The following LCLAT1 variants were observed in gnomAD, a reference collection of about 807,000 sequenced individuals.
LCLAT1 encodes 1-AGP acyltransferase 8.
Under a neutral mutation model 30.7 loss-of-function variants are expected in LCLAT1, and 11 were observed. The observed-to-expected ratio is 0.36, with a 90% CI of 0.23 to 0.59. The LOEUF (loss-of-function observed/expected upper bound fraction) is 0.59, where lower values mean the gene tolerates loss of function less well. LCLAT1 is among the 20% of genes least tolerant of loss of function. LCLAT1 has a pLI of 0.77. For synonymous variants in LCLAT1, 155 were observed against 151.3 expected (o/e 1.02, Z -0.18); for missense variants, 402 against 458.6 (o/e 0.88, Z 1.13).
chr2:30,537,290 A>G (rs570011843), intron 3 of LCLAT1, among the ~76,000 whole-genome samples: 1 of 152,106 alleles, frequency 6.6e-6, no homozygotes, highest in East Asian at 1.9e-4. Flanking sequence ...CTGAGGCAGG[A>G]GAATGGCGTG....
chr2:30,466,621 A>G (rs1044973599), intron 1 of LCLAT1, among the ~76,000 whole-genome samples: 3 of 152,180 alleles, frequency 2.0e-5, no homozygotes, highest in Non-Finnish European at 4.4e-5. Flanking sequence ...TTTTCTAAAT[A>G]TTCTGTTGCA....
chr2:30,595,674 G>A (rs1440223542), intron 5 of LCLAT1, among the ~76,000 whole-genome samples: 1 of 152,044 alleles, frequency 6.6e-6, no homozygotes. Flanking sequence ...ACATGTGCAG[G>A]GTATGCAGGT....
At position 30,548,384 on chromosome 2, in the gene LCLAT1, T is replaced by C. The variant is rs892265974; in HGVS notation, c.365-13762T>C. Among the ~76,000 whole-genome samples the C allele has an allele frequency of 3.9e-5, 6 of 152,146 alleles. No homozygotes were observed. In the East Asian group the frequency reaches 1.2e-3, roughly 29 times the overall value. The stretch of plus-strand genomic sequence containing the variant: ...CCACGGGACATCAATCAAATACATT[T>C]AAGAAATACATTGGTTTGGTTCAGA... On this transcript the variant is annotated intron_variant, in intron 3 of 5. Transcript: ENST00000379509.
At chr2:30,619,056 G>A (rs1423219001) in intron 5 of LCLAT1, among the ~76,000 whole-genome samples, 5 of 152,128 alleles carry the variant, frequency 3.3e-5, no homozygotes, top group African/African-American at 1.2e-4. Flanking sequence ...GAATTTAGAA[G>A]ACCAAGAATA....
intron 1 of LCLAT1, among the ~76,000 whole-genome samples, chr2:30,498,070 G>A (rs1215421042): frequency 3.3e-5 from 5 of 152,102 alleles, no homozygotes; most frequent in South Asian, 4.1e-4. Flanking sequence ...TTTGTCTCAC[G>A]ACCAAGAAAA....
At chr2:30,503,936 G>A (rs1684524012) in intron 1 of LCLAT1, among the ~76,000 whole-genome samples, 1 of 152,120 alleles carries the variant, frequency 6.6e-6, no homozygotes, top group Non-Finnish European at 1.5e-5. Context: ...ATTTTCCTTA[G>A]CCTTCTAAGA....
At chr2:30,595,325 A>T (rs1020406772) in intron 5 of LCLAT1, among the ~76,000 whole-genome samples, 1 of 151,954 alleles carries the variant, frequency 6.6e-6, no homozygotes, top group African/African-American at 2.4e-5. Context: ...TTTATAGTGG[A>T]CCCAGACGTT....
At chr2:30,464,881 ACT>A (rs1416193899) in intron 1 of LCLAT1, among the ~76,000 whole-genome samples, 1 of 151,934 alleles carries the variant, frequency 6.6e-6, no homozygotes, top group Non-Finnish European at 1.5e-5. Flanking sequence ...ATTTTTATTT[ACT>A]TTTTGTTTTA....
intron 5 of LCLAT1, among the ~76,000 whole-genome samples, chr2:30,585,176 T>C (rs1427084492): frequency 6.6e-6 from 1 of 152,136 alleles, no homozygotes; most frequent in African/African-American, 2.4e-5. Context: ...ACTCCATGCC[T>C]CTTCCTTGTT....
intron 1 of LCLAT1, among the ~76,000 whole-genome samples, chr2:30,479,694 G>T (rs1683233281): frequency 6.6e-6 from 1 of 151,820 alleles, no homozygotes; most frequent in Non-Finnish European, 1.5e-5. Flanking sequence ...GCAATACTCT[G>T]TCTCGATCTG....
chr2:30,462,046 A>G (rs998282777), intron 1 of LCLAT1, among the ~76,000 whole-genome samples: 4 of 152,050 alleles, frequency 2.6e-5, no homozygotes, highest in Non-Finnish European at 5.9e-5. Context: ...TGCTGGGATT[A>G]CAGGCGTGAG....
intron 1 of LCLAT1, among the ~76,000 whole-genome samples, chr2:30,515,302 G>A (rs1685128043): frequency 6.6e-6 from 1 of 152,146 alleles, no homozygotes; most frequent in Non-Finnish European, 1.5e-5. Flanking sequence ...ACAGTGAATT[G>A]CAATCATTTA....
At chr2:30,600,860 T>TTATATCTTGAAATACG (rs1667148341) in intron 5 of LCLAT1, among the ~76,000 whole-genome samples, 1 of 152,206 alleles carries the variant, frequency 6.6e-6, no homozygotes, top group Admixed American at 6.5e-5. Flanking sequence ...TTCTCCTGGA[T>TTATATCTTGAAATACG]TATATCTTGA....
rs17009900 is a variant in LCLAT1, at chr2:30,621,174, G to C, written c.629-18943G>C. On this transcript the variant is annotated intron_variant, in intron 5 of 5. Coordinates refer to ENST00000379509, the MANE Select transcript of LCLAT1 (RefSeq NM_001002257.3). ...TGTTATTCTCCCTGCTTAAATTTTA[G>C]GATCAGTAACTACTCATCCAGATGT... Among the ~76,000 whole-genome samples, 375 of 152,142 alleles carry C rather than the reference G, an allele frequency of 2.5e-3. 2 individuals carry two copies. Among genetic ancestry groups the C allele is most frequent in the African/African-American group, 8.5e-3 (354 of 41,488 alleles).
chr2:30,477,498 G>T (rs1429513467), intron 1 of LCLAT1, among the ~76,000 whole-genome samples: 1 of 152,080 alleles, frequency 6.6e-6, no homozygotes, highest in Non-Finnish European at 1.5e-5. Flanking sequence ...TTTATGAAAT[G>T]GTTTGTTTGC....
intron 3 of LCLAT1, among the ~76,000 whole-genome samples, chr2:30,537,492 A>G (rs577412737): frequency 1.6e-4 from 24 of 151,708 alleles, no homozygotes; most frequent in Middle Eastern, 3.4e-3. Context: ...AAAGGGATCA[A>G]TTCAGCGAGA....
intron 3 of LCLAT1, among the ~76,000 whole-genome samples, chr2:30,534,118 T>G (rs1274517100): frequency 6.6e-6 from 1 of 152,162 alleles, no homozygotes; most frequent in Non-Finnish European, 1.5e-5. Context: ...CATTCCTCTA[T>G]TAGTATACTG....
At chr2:30,502,198 C>T (rs976341400) in intron 1 of LCLAT1, among the ~76,000 whole-genome samples, 6 of 151,920 alleles carry the variant, frequency 3.9e-5, no homozygotes, top group Non-Finnish European at 8.8e-5. Flanking sequence ...AGTTTTTGGT[C>T]CCCTTTTGTT....
intron 1 of LCLAT1, among the ~76,000 whole-genome samples, chr2:30,462,798 C>A (rs1478439117): frequency 1.3e-5 from 2 of 152,062 alleles, no homozygotes; most frequent in African/African-American, 4.8e-5. Context: ...AAATTTTAAA[C>A]TATAAAAGTT....
Sources: allele counts gnomAD v4.1 joint callset (sites outside exome capture counted in the v4.1 genomes callset), GRCh38; gene constraint gnomAD v4.1.1; transcripts MANE v1.5; gene names NCBI Gene and HGNC (gene_info 2026-07-23, HGNC 2026-07-21).